GUCY1A2: variants seen among roughly 807,000 people sequenced by gnomAD.
GUCY1A2 encodes the protein guanylate cyclase 1 soluble subunit alpha 2.
In GUCY1A2, 27 loss-of-function variants were observed where a neutral mutation model predicts 63.5. The observed-to-expected ratio is 0.43, with a 90% CI of 0.31 to 0.59. GUCY1A2 has a LOEUF of 0.59. GUCY1A2 is among the 20% of genes least tolerant of loss of function. The pLI is 0.11. For missense variants in GUCY1A2, 768 were observed against 913.3 expected (o/e 0.84, Z 2.05); for synonymous variants, 364 against 343.5 (o/e 1.06, Z -0.66).
intron 5 of GUCY1A2, among the ~76,000 whole-genome samples, chr11:106,791,632 T>A (rs1864662308): frequency 6.6e-6 from 1 of 152,186 alleles, no homozygotes; most frequent in African/African-American, 2.4e-5. Flanking sequence ...AATCCTACAA[T>A]TTTTATATAT....
intron 4 of GUCY1A2, among the ~76,000 whole-genome samples, chr11:106,895,918 G>C (rs1465768387): frequency 6.6e-6 from 1 of 151,794 alleles, no homozygotes; most frequent in East Asian, 1.9e-4. Flanking sequence ...TACTCAGGAG[G>C]CAGGAGAATC....
intron 6 of GUCY1A2, among the ~76,000 whole-genome samples, chr11:106,765,952 A>G (rs1026708202): frequency 6.6e-6 from 1 of 152,182 alleles, no homozygotes; most frequent in Admixed American, 6.6e-5. Context: ...TGGTCTTGTA[A>G]CATTTACACA....
At chr11:106,964,446 C>CACTACATGTAGACCA (rs1264153450) in intron 3 of GUCY1A2, among the ~76,000 whole-genome samples, 2 of 152,076 alleles carry the variant, frequency 1.3e-5, no homozygotes, top group Non-Finnish European at 2.9e-5. Flanking sequence ...CCACTAGGTA[C>CACTACATGTAGACCA]CTACATTCAA....
In GUCY1A2 at chr11:106,742,269, C is replaced by A. The variant is rs549124790; in HGVS notation, c.1837-33603G>T. ...ACATGTGCTATGGTGGTTTGCTGCA[C>A]AGATCATCCCATCACTTAGATATTA... On this transcript the variant is annotated intron_variant, in intron 6 of 7. Coordinates refer to ENST00000526355, the MANE Select transcript of GUCY1A2 (RefSeq NM_000855.3). 1.2e-4 allele frequency among the ~76,000 whole-genome samples: 18 copies of A among 152,200 alleles called. No individual in the cohort carries two copies. In the South Asian group the frequency reaches 3.7e-3, roughly 32 times the overall value.
intron 4 of GUCY1A2, among the ~76,000 whole-genome samples, chr11:106,886,474 C>G (rs549844470): frequency 6.6e-6 from 1 of 152,070 alleles, no homozygotes; most frequent in Non-Finnish European, 1.5e-5. Flanking sequence ...TCTTCAGTGA[C>G]TCATGCACAA....
At chr11:106,993,451 T>C (rs1861495932) in intron 1 of GUCY1A2, among the ~76,000 whole-genome samples, 1 of 152,128 alleles carries the variant, frequency 6.6e-6, no homozygotes, top group African/African-American at 2.4e-5. Flanking sequence ...AATTGTGTAG[T>C]CATCAATCTT....
At position 106,915,568 on chromosome 11, in the gene GUCY1A2, T is replaced by C. The variant is rs1860360105; in HGVS notation, c.1206+23892A>G. Among the ~76,000 whole-genome samples, 2 of 110,026 alleles carry C rather than the reference T, an allele frequency of 1.8e-5. 1 individual carries two copies. Among genetic ancestry groups the C allele is most frequent in the Admixed American group, 1.7e-4 (2 of 11,454 alleles). 72.2% of individuals were successfully genotyped at this position (110,026 alleles called of 152,430 possible). A position where few individuals can be genotyped will look rare whatever the true frequency, so the allele number is the denominator to read the frequency against. ...AAAATGTGGCTAGAACATTGCCTAA[T>C]TTTAATCCTGGGCAAGGTAAAAAGT... On this transcript the variant is annotated intron_variant, in intron 4 of 7. Coordinates refer to ENST00000526355, the MANE Select transcript of GUCY1A2 (RefSeq NM_000855.3).
chr11:107,007,614 G>A (rs1032768560), intron 1 of GUCY1A2, among the ~76,000 whole-genome samples: 2 of 151,924 alleles, frequency 1.3e-5, no homozygotes, highest in Non-Finnish European at 2.9e-5. Flanking sequence ...ACCTCAAGTG[G>A]GCCCTCAAAA....
At chr11:106,922,984 T>C (rs1860469590) in intron 4 of GUCY1A2, among the ~76,000 whole-genome samples, 1 of 151,356 alleles carries the variant, frequency 6.6e-6, no homozygotes, top group Admixed American at 6.6e-5. Context: ...TACTAGAAAA[T>C]GAAAAGGAAA....
At chr11:106,905,833 G>A (rs1395596843) in intron 4 of GUCY1A2, among the ~76,000 whole-genome samples, 1 of 152,150 alleles carries the variant, frequency 6.6e-6, no homozygotes, top group Admixed American at 6.6e-5. Flanking sequence ...TTGCATGTAT[G>A]TACAGATTTC....
intron 7 of GUCY1A2, 52 bp from the exon 8 acceptor site, chr11:106,687,808 T>C (rs1410349362): frequency 5.7e-6 from 7 of 1,221,240 alleles, no homozygotes; most frequent in Non-Finnish European, 8.5e-6. Context: ...GAAATGTAAA[T>C]ACATGGACAG....
intron 2 of GUCY1A2, among the ~76,000 whole-genome samples, chr11:106,979,312 G>A (rs893927013): frequency 1.1e-4 from 17 of 151,904 alleles, no homozygotes; most frequent in Admixed American, 2.0e-4. Flanking sequence ...AAAATTAGCC[G>A]GAAGTGGTGG....
chr11:106,718,812 C>G (rs796202440), intron 6 of GUCY1A2, among the ~76,000 whole-genome samples: 1 of 152,054 alleles, frequency 6.6e-6, no homozygotes, highest in South Asian at 2.1e-4. Flanking sequence ...GAAGCACACA[C>G]AAACTGACCA....
At chr11:106,771,219 A>G (rs1591269479) in intron 6 of GUCY1A2, among the ~76,000 whole-genome samples, 1 of 152,118 alleles carries the variant, frequency 6.6e-6, no homozygotes, top group South Asian at 2.1e-4. Context: ...TGTTTTTTAA[A>G]GAAAGAATAA....
At chr11:106,766,485 A>G (rs1379989831) in intron 6 of GUCY1A2, among the ~76,000 whole-genome samples, 1 of 152,132 alleles carries the variant, frequency 6.6e-6, no homozygotes, top group Non-Finnish European at 1.5e-5. Flanking sequence ...AAATATGTCT[A>G]TAATTGGTTG....
At chr11:106,883,380 TATTCATTC>T (rs528986535) in intron 4 of GUCY1A2, among the ~76,000 whole-genome samples, 1,991 of 152,210 alleles carry the variant, frequency 0.013, 24 homozygotes, top group South Asian at 0.047. Context: ...TATGATAATG[TATTCATTC>T]ATTCATTCAT....
At chr11:107,012,358 GA>G (rs2120214198) in intron 1 of GUCY1A2, among the ~76,000 whole-genome samples, 1 of 150,744 alleles carries the variant, frequency 6.6e-6, no homozygotes, top group African/African-American at 2.4e-5. Context: ...AAAAGAAAAT[GA>G]AAAATTTAGA....
chr11:106,828,605 T>C (rs758164243), intron 4 of GUCY1A2, among the ~76,000 whole-genome samples: 3 of 152,190 alleles, frequency 2.0e-5, no homozygotes, highest in Non-Finnish European at 2.9e-5. Context: ...TCAAGTATCA[T>C]CTTGTCCAAT....
intron 6 of GUCY1A2, among the ~76,000 whole-genome samples, chr11:106,760,840 A>G (rs1238136830): frequency 1.3e-5 from 2 of 152,192 alleles, no homozygotes; most frequent in East Asian, 3.8e-4. Flanking sequence ...GCTAAATTCT[A>G]TATGAATAAT....
Sources: gnomAD v4.1 joint callset for allele counts (sites outside exome capture counted in the v4.1 genomes callset) on GRCh38, gnomAD v4.1.1 for gene constraint, MANE v1.5 for transcripts, NCBI Gene and HGNC (gene_info 2026-07-23, HGNC 2026-07-21) for gene names.